TMEM132C: variants seen among roughly 807,000 people sequenced by gnomAD.
TMEM132C encodes the protein transmembrane protein 132C.
In TMEM132C, 29 loss-of-function variants were observed where a neutral mutation model predicts 61.4. That is an observed-to-expected ratio of 0.47 (90% CI 0.35 to 0.64). The LOEUF (loss-of-function observed/expected upper bound fraction) is 0.64, where lower values mean the gene tolerates loss of function less well. TMEM132C is among the 30% of genes least tolerant of loss of function. The pLI, the probability that TMEM132C is intolerant of heterozygous loss-of-function variation, is 0.00. For missense variants in TMEM132C, 1,408 were observed against 1,476.9 expected, an observed-to-expected ratio of 0.95 and a Z score of 0.76; for synonymous variants, 656 against 633.1, an observed-to-expected ratio of 1.04 and a Z score of -0.54.
chr12:128,507,402 CTTTTTT>C (rs111625089), intron 2 of TMEM132C, among the ~76,000 whole-genome samples: 1 of 113,408 alleles, frequency 8.8e-6, no homozygotes, highest in African/African-American at 3.3e-5. Context: ...TTTTTTCTTT[CTTTTTT>C]TTTTTTTTTT....
At chr12:128,644,762 G>A (rs1331544222) in intron 4 of TMEM132C, among the ~76,000 whole-genome samples, 1 of 152,136 alleles carries the variant, frequency 6.6e-6, no homozygotes, top group Non-Finnish European at 1.5e-5. Context: ...CCCTCAGTAG[G>A]GCTCTGGAGG....
At chr12:128,662,997 C>G (rs77266911) in intron 4 of TMEM132C, among the ~76,000 whole-genome samples, 5,645 of 152,278 alleles carry the variant, frequency 0.037, 144 homozygotes, top group Non-Finnish European at 0.06. Flanking sequence ...TGTCTGAGGC[C>G]ACGCGGGAGC....
intron 1 of TMEM132C, among the ~76,000 whole-genome samples, 190 bp downstream of exon 1, chr12:128,267,677 G>T (rs1178403150): frequency 6.6e-6 from 1 of 152,178 alleles, no homozygotes; most frequent in Non-Finnish European, 1.5e-5. Flanking sequence ...TGGGCGCCGG[G>T]ATCCGGGCAA....
intron 8 of TMEM132C, among the ~76,000 whole-genome samples, chr12:128,702,447 T>G (rs565322795): frequency 6.6e-6 from 1 of 152,326 alleles, no homozygotes; most frequent in African/African-American, 2.4e-5. Context: ...GTTGGTTTCC[T>G]TTAAGTTATA....
intron 1 of TMEM132C, among the ~76,000 whole-genome samples, chr12:128,308,802 C>T (rs966915389): frequency 2.1e-4 from 32 of 152,298 alleles, no homozygotes; most frequent in Admixed American, 7.2e-4. Flanking sequence ...CAGCAGGAGA[C>T]GTGAGAAATC....
intron 1 of TMEM132C, among the ~76,000 whole-genome samples, chr12:128,325,227 A>G (rs1872467288): frequency 6.6e-6 from 1 of 152,202 alleles, no homozygotes; most frequent in Non-Finnish European, 1.5e-5. Context: ...GGAAAACAGA[A>G]AGAAAGAAAC....
At chr12:128,572,055 T>C (rs1484996555) in intron 3 of TMEM132C, among the ~76,000 whole-genome samples, 1 of 151,802 alleles carries the variant, frequency 6.6e-6, no homozygotes, top group Non-Finnish European at 1.5e-5. Context: ...TACTGTGGCC[T>C]CTGCTAGTCT....
chr12:128,621,058 C>A (rs956268180), intron 4 of TMEM132C, among the ~76,000 whole-genome samples: 4 of 151,994 alleles, frequency 2.6e-5, no homozygotes, highest in South Asian at 2.1e-4. Context: ...GGCAGCGGGG[C>A]CTTCTCCCGT....
intron 4 of TMEM132C, among the ~76,000 whole-genome samples, chr12:128,663,959 T>TGCG (rs1555241292): frequency 7.8e-6 from 1 of 129,014 alleles, no homozygotes; most frequent in Non-Finnish European, 1.6e-5. Context: ...CACACACACA[T>TGCG]ACAGGCACAT....
At chr12:128,464,095 G>A (rs1289451013) in intron 2 of TMEM132C, among the ~76,000 whole-genome samples, 1 of 152,158 alleles carries the variant, frequency 6.6e-6, no homozygotes, top group African/African-American at 2.4e-5. Context: ...GCTAAGTTCT[G>A]TCTAGACACC....
At chr12:128,658,141 A>T (rs2398425) in intron 4 of TMEM132C, among the ~76,000 whole-genome samples, 9 of 41,406 alleles carry the variant, frequency 2.2e-4, no homozygotes, top group African/African-American at 4.8e-4. Context: ...CATGGAGGCC[A>T]CAAGGCAGGA....
intron 2 of TMEM132C, among the ~76,000 whole-genome samples, chr12:128,516,225 G>A (rs1040836327): frequency 3.3e-5 from 5 of 152,024 alleles, no homozygotes; most frequent in African/African-American, 1.2e-4. Context: ...TTATCCATAG[G>A]AGCCAAACAC....
chr12:128,679,800 A>C (rs548190667), intron 5 of TMEM132C, among the ~76,000 whole-genome samples: 12 of 152,338 alleles, frequency 7.9e-5, no homozygotes, highest in African/African-American at 2.9e-4. Flanking sequence ...AAACAAACAT[A>C]AAAGCAAGTT....
At chr12:128,402,670 A>G (rs1875206293) in intron 1 of TMEM132C, among the ~76,000 whole-genome samples, 1 of 152,080 alleles carries the variant, frequency 6.6e-6, no homozygotes, top group Non-Finnish European at 1.5e-5. Flanking sequence ...TCAGCGGGGG[A>G]GGGCAGGTGG....
At chr12:128,437,312 C>T (rs140139259) in intron 2 of TMEM132C, among the ~76,000 whole-genome samples, 1 of 148,184 alleles carries the variant, frequency 6.7e-6, no homozygotes, top group Admixed American at 6.6e-5. Context: ...AATAAATAAA[C>T]AAACCACTGA....
At chr12:128,530,585 A>T (rs1242045962) in intron 2 of TMEM132C, among the ~76,000 whole-genome samples, 5 of 152,086 alleles carry the variant, frequency 3.3e-5, no homozygotes, top group Admixed American at 3.3e-4. Context: ...CTGGGATTAC[A>T]AGCATGTGCC....
At chr12:128,315,034 T>C (rs1872103880) in intron 1 of TMEM132C, among the ~76,000 whole-genome samples, 1 of 152,038 alleles carries the variant, frequency 6.6e-6, no homozygotes, top group African/African-American at 2.4e-5. Flanking sequence ...AAGCAGGCAA[T>C]ATGTTACCCA....
At chr12:128,489,145 G>A (rs536546956) in intron 2 of TMEM132C, among the ~76,000 whole-genome samples, 2 of 152,162 alleles carry the variant, frequency 1.3e-5, no homozygotes, top group Admixed American at 6.5e-5. Context: ...TCTCCTCCAC[G>A]TGTTCTCCAG....
At chr12:128,593,075 A>C (rs1875813338) in intron 3 of TMEM132C, among the ~76,000 whole-genome samples, 4 of 126,632 alleles carry the variant, frequency 3.2e-5, no homozygotes, top group African/African-American at 9.2e-5. Flanking sequence ...TTCCTTTCTC[A>C]TCTTCCTTCT....
Sources: gnomAD v4.1 joint callset for allele counts (sites outside exome capture counted in the v4.1 genomes callset) on GRCh38, gnomAD v4.1.1 for gene constraint, MANE v1.5 for transcripts, NCBI Gene and HGNC (gene_info 2026-07-23, HGNC 2026-07-21) for gene names.